The following NFIB variants were observed in gnomAD, a reference collection of about 807,000 sequenced individuals.
The protein encoded by NFIB is nuclear factor I B.
In NFIB, 11 loss-of-function variants were observed where a neutral mutation model predicts 61.5. The ratio of observed to expected loss-of-function variants is 0.18; its 90% CI spans 0.11 to 0.30. The LOEUF (loss-of-function observed/expected upper bound fraction) is 0.30. Ranked by LOEUF, NFIB falls within the 10% of genes least tolerant of loss-of-function variation. The probability of loss-of-function intolerance (pLI) is 1.00; values close to 1 mark genes in which losing one functional copy is unlikely to be tolerated. For missense variants in NFIB, 471 were observed against 608.9 expected (o/e 0.77, Z 2.38); for synonymous variants, 260 against 216.5 (o/e 1.20, Z -1.76).
At chr9:14,092,009 C>A (rs114171807) in intron 10 of NFIB, among the ~76,000 whole-genome samples, 29 of 152,114 alleles carry the variant, frequency 1.9e-4, no homozygotes, top group African/African-American at 4.8e-4. Context: ...ATGGCTCCCC[C>A]CAAAAGGGAA....
Position 14,154,689 on chromosome 9 carries a change from C to G in NFIB, c.685+1136G>C, listed in dbSNP as rs190463415. On this transcript the variant is annotated intron_variant, in intron 4 of 10. Coordinates refer to ENST00000380953, the MANE Select transcript of NFIB (RefSeq NM_001190737.2). ...TCTTTTGGGCATACATTTATCCACT[C>G]TAGAATTATACCAGAAAGGATAAAC... is the stretch of plus-strand genomic sequence containing the variant. Among the ~76,000 whole-genome samples the G allele has an allele frequency of 1.3e-3, 195 of 152,222 alleles. 1 individual carries two copies. Among genetic ancestry groups the G allele is most frequent in the Non-Finnish European group, 2.4e-3 (164 of 68,010 alleles).
At chr9:14,127,190 T>C (rs1198895001) in intron 6 of NFIB, among the ~76,000 whole-genome samples, 1 of 152,220 alleles carries the variant, frequency 6.6e-6, no homozygotes, top group African/African-American at 2.4e-5. Flanking sequence ...TCATCTTAGT[T>C]GACTAAGAGA....
intron 1 of NFIB, among the ~76,000 whole-genome samples, chr9:14,348,221 T>C (rs2061057832): frequency 3.3e-5 from 5 of 152,156 alleles, no homozygotes; most frequent in Non-Finnish European, 2.9e-5. Flanking sequence ...AATTCAATTA[T>C]ATCATACAAC....
chr9:14,322,042 A>G (rs1016324889), intron 1 of NFIB: 3 of 1,201,024 alleles, frequency 2.5e-6, no homozygotes, highest in Non-Finnish European at 2.1e-6. Context: ...GGATTTTCTC[A>G]GGGGTTGTTT....
the NFIB span, among the ~76,000 whole-genome samples, chr9:14,513,555 G>A: frequency 6.7e-6 from 1 of 149,736 alleles, no homozygotes; most frequent in Non-Finnish European, 1.5e-5. Flanking sequence ...TTGAACTCGG[G>A]AGCCGGAGGG....
rs1174908463 is a variant in NFIB, at chr9:14,087,263, A to C, written c.*1046T>G. On this transcript the variant is annotated 3_prime_UTR_variant, in exon 11 of 11. Coordinates refer to ENST00000380953, the MANE Select transcript of NFIB (RefSeq NM_001190737.2). ...GTTTTCATTAATTTTATTTTTCTCAAGCACATGATTTGTCTTGATTTAATG... is the reference window on the plus strand; with the variant it reads ...GTTTTCATTAATTTTATTTTTCTCACGCACATGATTTGTCTTGATTTAATG... 4.9e-6 allele frequency: 1 copy of C among 204,898 alleles called. No homozygotes were observed. The highest frequency in any genetic ancestry group is 1.0e-5 in the Non-Finnish European group (1 of 99,866). 12.7% of individuals were successfully genotyped at this position (204,898 alleles called of 1,614,324 possible). A position where few individuals can be genotyped will look rare whatever the true frequency, so the allele number is the denominator to read the frequency against.
intron 2 of NFIB, among the ~76,000 whole-genome samples, chr9:14,223,597 TAGG>T (rs1450643337): frequency 2.6e-5 from 4 of 152,190 alleles, no homozygotes; most frequent in South Asian, 2.1e-4. Context: ...TGCAATTCAA[TAGG>T]AGATCAATCA....
chr9:14,434,810 A>T, the NFIB span, among the ~76,000 whole-genome samples: 1 of 152,214 alleles, frequency 6.6e-6, no homozygotes, highest in Non-Finnish European at 1.5e-5. Context: ...TCTTAAAACA[A>T]AATGCACAGG....
intron 1 of NFIB, among the ~76,000 whole-genome samples, chr9:14,360,720 ATT>A (rs1202215832): frequency 6.6e-6 from 1 of 151,582 alleles, no homozygotes; most frequent in East Asian, 1.9e-4. Context: ...AATTTTTTGT[ATT>A]TTTAGTAGAG....
chr9:14,115,000 C>T (rs1431100010), intron 9 of NFIB, among the ~76,000 whole-genome samples: 1 of 152,126 alleles, frequency 6.6e-6, no homozygotes, highest in Non-Finnish European at 1.5e-5. Flanking sequence ...AGGTCGCATC[C>T]ATCTGTGCAT....
chr9:14,393,854 C>T (rs1303421185), intron 1 of NFIB, among the ~76,000 whole-genome samples: 2 of 152,126 alleles, frequency 1.3e-5, no homozygotes, highest in African/African-American at 2.4e-5. Context: ...GTTTGTTTAT[C>T]GGAGTCAGTC....
upstream of NFIB, among the ~76,000 whole-genome samples, chr9:14,402,617 T>A (rs1184982872): frequency 1.3e-5 from 2 of 152,180 alleles, no homozygotes; most frequent in African/African-American, 4.8e-5. Context: ...TACTACCATC[T>A]CAATATTTAT....
intron 6 of NFIB, among the ~76,000 whole-genome samples, chr9:14,127,321 G>T (rs1586873045): frequency 6.6e-6 from 1 of 152,260 alleles, no homozygotes; most frequent in South Asian, 2.1e-4. Flanking sequence ...TTATAAAAAT[G>T]ATGAGCTATA....
At chr9:14,186,950 T>C (rs1448588196) in intron 2 of NFIB, among the ~76,000 whole-genome samples, 4 of 151,930 alleles carry the variant, frequency 2.6e-5, no homozygotes. Flanking sequence ...CTCATAAGCA[T>C]GTAAATGTTT....
At chr9:14,409,111 C>T in the NFIB span, among the ~76,000 whole-genome samples, 3 of 152,238 alleles carry the variant, frequency 2.0e-5, no homozygotes, top group Admixed American at 2.0e-4. Flanking sequence ...TGTTTGTTGA[C>T]ATGCATGCTG....
chr9:14,458,984 G>C, the NFIB span, among the ~76,000 whole-genome samples: 1 of 152,016 alleles, frequency 6.6e-6, no homozygotes, highest in African/African-American at 2.4e-5. Flanking sequence ...ATCGAGCTAC[G>C]ATGACTTTCT....
chr9:14,097,875 CTTTTTT>C, intron 10 of NFIB, among the ~76,000 whole-genome samples: 1 of 110,874 alleles, frequency 9.0e-6, no homozygotes, highest in South Asian at 3.5e-4. Context: ...TTTCTTTTTT[CTTTTTT>C]TTTTTTTTTT....
chr9:14,308,919 T>C (rs901475723), intron 1 of NFIB, among the ~76,000 whole-genome samples: 1 of 152,200 alleles, frequency 6.6e-6, no homozygotes, highest in Non-Finnish European at 1.5e-5. Context: ...GTAAAACCTG[T>C]CTTATAAGCT....
intron 8 of NFIB, among the ~76,000 whole-genome samples, chr9:14,117,464 T>C (rs2038310436): frequency 6.6e-6 from 1 of 152,130 alleles, no homozygotes; most frequent in African/African-American, 2.4e-5. Context: ...GGCAAGTATA[T>C]AGTCTTTATA....
Sources: allele counts gnomAD v4.1 joint callset (sites outside exome capture counted in the v4.1 genomes callset), GRCh38; gene constraint gnomAD v4.1.1; transcripts MANE v1.5; gene names NCBI Gene and HGNC (gene_info 2026-07-23, HGNC 2026-07-21).